Variants in NCKAP5 observed in about 807,000 individuals in gnomAD.
The protein encoded by NCKAP5 is nck-associated protein 5.
NCKAP5 carries 92 observed loss-of-function variants against 167.0 expected under a neutral mutation model. The observed-to-expected ratio is 0.55, with a 90% CI of 0.47 to 0.66. The LOEUF (loss-of-function observed/expected upper bound fraction) is 0.66. NCKAP5 is among the 30% of genes least tolerant of loss of function. NCKAP5 has a pLI of 0.00. For synonymous variants in NCKAP5, 891 were observed against 877.4 expected, an observed-to-expected ratio of 1.02 and a Z score of -0.27; for missense variants, 2,378 against 2,315.0, an observed-to-expected ratio of 1.03 and a Z score of -0.56.
intron 5 of NCKAP5, among the ~76,000 whole-genome samples, chr2:133,142,948 T>A (rs1474654250): frequency 6.6e-6 from 1 of 152,120 alleles, no homozygotes; most frequent in East Asian, 1.9e-4. Flanking sequence ...GACCTTTTTA[T>A]AAGCTCAAAA....
chr2:132,996,728 A>T (rs1449204081), intron 6 of NCKAP5, among the ~76,000 whole-genome samples: 1 of 152,258 alleles, frequency 6.6e-6, no homozygotes, highest in Non-Finnish European at 1.5e-5. Flanking sequence ...GATAAAATAC[A>T]TACTCACTAG....
chr2:133,272,519 A>G (rs1412370932), intron 4 of NCKAP5, among the ~76,000 whole-genome samples: 1 of 152,192 alleles, frequency 6.6e-6, no homozygotes, highest in Non-Finnish European at 1.5e-5. Context: ...GGAATCTTGA[A>G]CAATCAAATA....
intron 3 of NCKAP5, among the ~76,000 whole-genome samples, chr2:133,469,822 A>G (rs1422710118): frequency 6.6e-6 from 1 of 151,574 alleles, no homozygotes; most frequent in Non-Finnish European, 1.5e-5. Flanking sequence ...AGGCTTCTAC[A>G]TTCTTCATGT....
intron 3 of NCKAP5, among the ~76,000 whole-genome samples, chr2:133,404,500 G>A (rs1406703685): frequency 6.6e-6 from 1 of 152,060 alleles, no homozygotes; most frequent in Non-Finnish European, 1.5e-5. Context: ...TAATTAAATA[G>A]AACAATTATA....
intron 12 of NCKAP5, among the ~76,000 whole-genome samples, chr2:132,791,266 G>A (rs943176245): frequency 6.6e-6 from 1 of 152,172 alleles, no homozygotes; most frequent in African/African-American, 2.4e-5. Flanking sequence ...CAGGTATAAT[G>A]AGCCTCCACT....
intron 19 of NCKAP5, among the ~76,000 whole-genome samples, chr2:132,703,476 C>T (rs1357031759): frequency 6.6e-6 from 1 of 152,112 alleles, no homozygotes; most frequent in African/African-American, 2.4e-5. Context: ...TGAATGACAC[C>T]GGCTGATTCC....
intron 3 of NCKAP5, among the ~76,000 whole-genome samples, chr2:133,304,869 C>T (rs538291032): frequency 1.2e-4 from 18 of 152,216 alleles, no homozygotes; most frequent in Admixed American, 3.3e-4. Context: ...ATGTTGGTTA[C>T]GTGCTATGAA....
At chr2:133,164,081 T>C (rs1484620574) in intron 5 of NCKAP5, among the ~76,000 whole-genome samples, 4 of 152,124 alleles carry the variant, frequency 2.6e-5, no homozygotes, top group African/African-American at 9.7e-5. Flanking sequence ...AGTGAGAGAA[T>C]AATTCCAAGC....
intron 16 of NCKAP5, among the ~76,000 whole-genome samples, chr2:132,739,800 A>G (rs1299050239): frequency 1.3e-5 from 2 of 152,190 alleles, no homozygotes; most frequent in African/African-American, 4.8e-5. Flanking sequence ...GCACCAATGT[A>G]CTTGAGGTAG....
At chr2:133,265,286 C>G (rs2089138025) in intron 4 of NCKAP5, among the ~76,000 whole-genome samples, 1 of 152,156 alleles carries the variant, frequency 6.6e-6, no homozygotes, top group Non-Finnish European at 1.5e-5. Flanking sequence ...AAGAGAAATT[C>G]CGGGGTGGCT....
At chr2:133,134,077 A>G (rs1432156240) in intron 5 of NCKAP5, among the ~76,000 whole-genome samples, 1 of 152,242 alleles carries the variant, frequency 6.6e-6, no homozygotes, top group African/African-American at 2.4e-5. Context: ...AATTAGGTGA[A>G]CACAGAAAAC....
chr2:132,842,350 T>C (rs1383906762), intron 11 of NCKAP5, among the ~76,000 whole-genome samples: 3 of 152,146 alleles, frequency 2.0e-5, no homozygotes, highest in Non-Finnish European at 4.4e-5. Flanking sequence ...TTTTTATTGG[T>C]ATTTTAATAA....
intron 8 of NCKAP5, among the ~76,000 whole-genome samples, chr2:132,950,559 C>A (rs1017256428): frequency 5.3e-5 from 8 of 152,114 alleles, no homozygotes; most frequent in Non-Finnish European, 1.0e-4. Context: ...AGGAAATACC[C>A]CGACACCACT....
intron 5 of NCKAP5, among the ~76,000 whole-genome samples, chr2:133,205,156 C>T (rs2085886985): frequency 6.6e-6 from 1 of 151,836 alleles, no homozygotes; most frequent in South Asian, 2.1e-4. Flanking sequence ...AGCCAGGCAT[C>T]GTGGTGTGTG....
chr2:133,355,931 T>C (rs1300655743), intron 3 of NCKAP5, among the ~76,000 whole-genome samples: 1 of 143,070 alleles, frequency 7.0e-6, no homozygotes, highest in Non-Finnish European at 1.6e-5. Context: ...GTGTTTTTGT[T>C]TTCTGTTTTT....
At chr2:133,605,210 C>T in the NCKAP5 span, among the ~76,000 whole-genome samples, 174 of 152,286 alleles carry the variant, frequency 1.1e-3, no homozygotes, top group Non-Finnish European at 2.2e-3. Context: ...GCCACTGCCC[C>T]CTCTTCTCAT....
chr2:132,795,203 A>G (rs72989601), intron 12 of NCKAP5, among the ~76,000 whole-genome samples: 24 of 152,338 alleles, frequency 1.6e-4, no homozygotes, highest in African/African-American at 5.8e-4. Context: ...AGTCCAAGCC[A>G]CTATGCCATA....
chr2:133,264,636 C>T (rs145727660), intron 4 of NCKAP5, among the ~76,000 whole-genome samples: 8 of 152,156 alleles, frequency 5.3e-5, no homozygotes, highest in Admixed American at 2.6e-4. Flanking sequence ...AAGCTAAGTA[C>T]GACAATTTAA....
At chr2:133,312,448 T>C (rs1274403511) in intron 3 of NCKAP5, among the ~76,000 whole-genome samples, 2 of 152,216 alleles carry the variant, frequency 1.3e-5, no homozygotes, top group Admixed American at 1.3e-4. Flanking sequence ...AGAAATTATG[T>C]TTCCCAGTCT....
Sources: allele counts gnomAD v4.1 joint callset (sites outside exome capture counted in the v4.1 genomes callset), GRCh38; gene constraint gnomAD v4.1.1; transcripts MANE v1.5; gene names NCBI Gene and HGNC (gene_info 2026-07-23, HGNC 2026-07-21).